Variants in DLG2 observed in about 807,000 individuals in gnomAD.
DLG2 encodes disks large homolog 2.
DLG2 carries 45 observed loss-of-function variants against 132.5 expected under a neutral mutation model. The ratio of observed to expected loss-of-function variants is 0.34; its 90% CI spans 0.27 to 0.44. The LOEUF is 0.44. DLG2 is among the 20% of genes least tolerant of loss of function. The pLI is 1.00. For missense variants in DLG2, 1,045 were observed against 1,196.9 expected, an observed-to-expected ratio of 0.87 and a Z score of 1.87; for synonymous variants, 424 against 419.6, an observed-to-expected ratio of 1.01 and a Z score of -0.13.
intron 3 of DLG2, among the ~76,000 whole-genome samples, chr11:85,495,676 G>A (rs1265206784): frequency 6.6e-6 from 1 of 152,202 alleles, no homozygotes; most frequent in East Asian, 1.9e-4. Flanking sequence ...CTTTTACACT[G>A]TTGGTGGGAG....
chr11:84,028,685 A>G (rs1402709318), intron 11 of DLG2, among the ~76,000 whole-genome samples: 1 of 152,136 alleles, frequency 6.6e-6, no homozygotes, highest in Non-Finnish European at 1.5e-5. Context: ...TCTTTGCTTC[A>G]TGAAAATTCC....
At chr11:84,531,841 A>T (rs973978415) in intron 7 of DLG2, among the ~76,000 whole-genome samples, 1 of 152,198 alleles carries the variant, frequency 6.6e-6, no homozygotes, top group Non-Finnish European at 1.5e-5. Context: ...AGAGAAACCC[A>T]TTGAAGTTGA....
At chr11:85,569,730 G>C (rs549655090) in intron 3 of DLG2, among the ~76,000 whole-genome samples, 12 of 152,292 alleles carry the variant, frequency 7.9e-5, no homozygotes, top group African/African-American at 2.9e-4. Context: ...AGATGCTGGT[G>C]AACCTGCAGA....
chr11:85,337,305 A>G lies in DLG2; in HGVS notation c.41-51940T>C, dbSNP rs181484612. On this transcript the variant is annotated intron_variant, in intron 3 of 27. Coordinates refer to ENST00000376104, the MANE Select transcript of DLG2 (RefSeq NM_001142699.3). ...CTCTGTATTGCCTAGGCTGGTCTCAAACTCCTAGCTTCAAGTGATCCTCCT... is the reference window on the plus strand; with the variant it reads ...CTCTGTATTGCCTAGGCTGGTCTCAGACTCCTAGCTTCAAGTGATCCTCCT... Among the ~76,000 whole-genome samples the G allele has an allele frequency of 1.7e-3, 264 of 152,050 alleles. 1 individual carries two copies. Among genetic ancestry groups the G allele is most frequent in the African/African-American group, 6.2e-3 (256 of 41,454 alleles).
chr11:84,795,006 C>T (rs1458843401), intron 6 of DLG2, among the ~76,000 whole-genome samples: 1 of 152,208 alleles, frequency 6.6e-6, no homozygotes. Context: ...TAGTGAAGCC[C>T]TACCATCAGG....
intron 3 of DLG2, among the ~76,000 whole-genome samples, chr11:85,543,639 CTAGCATCTA>C (rs1197725121): frequency 1.3e-5 from 2 of 152,200 alleles, no homozygotes; most frequent in Non-Finnish European, 2.9e-5. Flanking sequence ...CACATCCTCT[CTAGCATCTA>C]TAGTTTCCTG....
chr11:84,029,475 G>C (rs1454840057), intron 11 of DLG2, among the ~76,000 whole-genome samples: 2 of 152,054 alleles, frequency 1.3e-5, no homozygotes, highest in African/African-American at 4.8e-5. Context: ...ATGCTAAAAT[G>C]GGACATGGGT....
intron 3 of DLG2, among the ~76,000 whole-genome samples, chr11:85,509,263 T>C (rs2094003806): frequency 1.3e-5 from 2 of 152,040 alleles, no homozygotes; most frequent in African/African-American, 4.8e-5. Context: ...ATTACCTATA[T>C]GGAAATTAAA....
At chr11:84,068,750 C>T (rs367625611) in intron 10 of DLG2, among the ~76,000 whole-genome samples, 4 of 152,220 alleles carry the variant, frequency 2.6e-5, no homozygotes, top group African/African-American at 7.2e-5. Flanking sequence ...AGCATTAATG[C>T]CTGGCACCTA....
At chr11:83,641,379 C>G (rs1305800155) in intron 18 of DLG2, among the ~76,000 whole-genome samples, 1 of 152,170 alleles carries the variant, frequency 6.6e-6, no homozygotes, top group Non-Finnish European at 1.5e-5. Context: ...TGTCAACATT[C>G]TTTCATATGA....
chr11:83,833,447 A>G (rs952691908), intron 17 of DLG2, among the ~76,000 whole-genome samples, 167 bp downstream of exon 17: 1 of 152,196 alleles, frequency 6.6e-6, no homozygotes, highest in Admixed American at 6.5e-5. Context: ...GTCTCAAAGG[A>G]AACAAAAACA....
chr11:84,530,225 A>T (rs2099332552), intron 7 of DLG2, among the ~76,000 whole-genome samples: 1 of 152,218 alleles, frequency 6.6e-6, no homozygotes, highest in African/African-American at 2.4e-5. Context: ...TATTCTGGAA[A>T]GAACCTGGTA....
chr11:84,565,079 C>T (rs2099446978), intron 6 of DLG2, among the ~76,000 whole-genome samples: 1 of 152,068 alleles, frequency 6.6e-6, no homozygotes, highest in Admixed American at 6.6e-5. Flanking sequence ...CATCATTATA[C>T]TATAAAGCAT....
chr11:84,119,719 T>A (rs76030800), intron 9 of DLG2, among the ~76,000 whole-genome samples: 3,385 of 152,236 alleles, frequency 0.022, 100 homozygotes, highest in East Asian at 0.14. Flanking sequence ...CCTCTAAGAA[T>A]TTCACTTCTT....
At chr11:84,020,419 T>C (rs1161911942) in intron 11 of DLG2, among the ~76,000 whole-genome samples, 3 of 152,156 alleles carry the variant, frequency 2.0e-5, no homozygotes, top group African/African-American at 4.8e-5. Flanking sequence ...CAAACAGGTA[T>C]ATAAATAAAA....
At chr11:84,583,169 T>C (rs2099520727) in intron 6 of DLG2, among the ~76,000 whole-genome samples, 1 of 152,230 alleles carries the variant, frequency 6.6e-6, no homozygotes, top group African/African-American at 2.4e-5. Context: ...GATCTTTCAA[T>C]TCCAGCTAAG....
chr11:85,121,133 T>C (rs2074263158), intron 5 of DLG2, among the ~76,000 whole-genome samples: 1 of 151,978 alleles, frequency 6.6e-6, no homozygotes, highest in Non-Finnish European at 1.5e-5. Context: ...CTCTGAAATG[T>C]AAACCAGTAT....
intron 2 of DLG2, among the ~76,000 whole-genome samples, chr11:85,609,545 A>G (rs1479028777): frequency 6.6e-6 from 1 of 152,184 alleles, no homozygotes; most frequent in Admixed American, 6.5e-5. Context: ...CACTTTAAAA[A>G]AGATTGTCCA....
chr11:84,798,456 C>A (rs1442708122), intron 6 of DLG2, among the ~76,000 whole-genome samples: 1 of 152,178 alleles, frequency 6.6e-6, no homozygotes, highest in Non-Finnish European at 1.5e-5. Context: ...TCATCACCAC[C>A]ACCACTGGCC....
Sources: allele counts gnomAD v4.1 joint callset (sites outside exome capture counted in the v4.1 genomes callset), GRCh38; gene constraint gnomAD v4.1.1; transcripts MANE v1.5; gene names NCBI Gene and HGNC (gene_info 2026-07-23, HGNC 2026-07-21).